SCFD2: variants seen among roughly 807,000 people sequenced by gnomAD.
SCFD2 encodes sec1 family domain containing 2.
In SCFD2, 54 loss-of-function variants were observed where a neutral mutation model predicts 58.9. The ratio of observed to expected loss-of-function variants is 0.92; its 90% CI spans 0.74 to 1.15. The LOEUF is 1.15. Ranked by LOEUF, SCFD2 falls within the 50% of genes most tolerant of loss-of-function variation. The probability of loss-of-function intolerance (pLI) is 0.00; values close to 1 mark genes in which losing one functional copy is unlikely to be tolerated. For synonymous variants in SCFD2, 321 were observed against 335.9 expected, an observed-to-expected ratio of 0.96 and a Z score of 0.49; for missense variants, 805 against 836.6, an observed-to-expected ratio of 0.96 and a Z score of 0.47.
chr4:53,036,941 C>T (rs1722779654), intron 5 of SCFD2, among the ~76,000 whole-genome samples: 1 of 151,964 alleles, frequency 6.6e-6, no homozygotes, highest in Non-Finnish European at 1.5e-5. Flanking sequence ...TTGCCAAGGG[C>T]TGGTTTGGGG....
intron 5 of SCFD2, among the ~76,000 whole-genome samples, chr4:52,959,719 G>C (rs899384767): frequency 2.6e-5 from 4 of 152,140 alleles, no homozygotes; most frequent in Non-Finnish European, 5.9e-5. Flanking sequence ...GCTCATTTAA[G>C]AGGAATGCAA....
intron 5 of SCFD2, among the ~76,000 whole-genome samples, chr4:53,071,578 GAAAC>G (rs1439597507): frequency 2.0e-5 from 3 of 151,708 alleles, no homozygotes; most frequent in Non-Finnish European, 4.4e-5. Context: ...TGTTTATTAA[GAAAC>G]AAACAAAAAA....
intron 5 of SCFD2, among the ~76,000 whole-genome samples, chr4:53,015,770 T>G (rs2148810604): frequency 6.6e-6 from 1 of 152,302 alleles, no homozygotes; most frequent in Admixed American, 6.5e-5. Flanking sequence ...AGCAAATTGA[T>G]AAACGGTCTT....
At chr4:53,036,792 T>C (rs894231449) in intron 5 of SCFD2, among the ~76,000 whole-genome samples, 10 of 152,186 alleles carry the variant, frequency 6.6e-5, no homozygotes, top group Admixed American at 5.9e-4. Flanking sequence ...TGTATACCTA[T>C]GTAACAAAAC....
chr4:52,959,800 T>C (rs1446328669), intron 5 of SCFD2, among the ~76,000 whole-genome samples: 1 of 151,824 alleles, frequency 6.6e-6, no homozygotes, highest in Non-Finnish European at 1.5e-5. Context: ...TGAATAAACA[T>C]ATGGAACTAG....
At chr4:53,186,049 GAA>G (rs1727727608) in intron 4 of SCFD2, among the ~76,000 whole-genome samples, 1 of 152,118 alleles carries the variant, frequency 6.6e-6, no homozygotes, top group South Asian at 2.1e-4. Context: ...TTGTGATCAT[GAA>G]AACAGTGCTT....
In SCFD2 at chr4:53,365,181, G is replaced by A. The variant is rs1253692758; in HGVS notation, c.761C>T (p.Ala254Val). The A allele has an allele frequency of 6.2e-7, 1 of 1,614,092 alleles. No homozygotes were observed. The highest frequency in any genetic ancestry group is 1.3e-5 in the African/African-American group (1 of 74,932). The change falls in exon 1 of 9, where the codon GCC becomes GTC. Residue 254 changes from alanine to valine, a missense_variant. By Grantham distance (64) the Ala-to-Val change is moderately conservative. Coordinates refer to ENST00000401642, the MANE Select transcript of SCFD2 (RefSeq NM_152540.4). The surrounding 1 kb of genome is among the most constrained non-coding windows in gnomAD (Gnocchi z 4.3). ...AGTCTTCTTCCTGTTCTTTGCAGGG[G>A]CATAATTGGCCAGATCCGCAGCGAT... ...QVIAADLANY[A>V]PAKNRKKTAA...
intron 5 of SCFD2, among the ~76,000 whole-genome samples, chr4:53,048,664 C>T (rs572420591): frequency 4.6e-5 from 7 of 152,318 alleles, no homozygotes; most frequent in African/African-American, 1.7e-4. Context: ...TCGCTCGAGC[C>T]TGAAAGGTCA....
intron 4 of SCFD2, among the ~76,000 whole-genome samples, chr4:53,186,606 A>G (rs2148953832): frequency 6.6e-6 from 1 of 152,232 alleles, no homozygotes; most frequent in East Asian, 1.9e-4. Flanking sequence ...ACAGAACAAA[A>G]GAGATCCCAG....
chr4:52,977,628 A>G (rs1235104713), intron 5 of SCFD2, among the ~76,000 whole-genome samples: 1 of 152,224 alleles, frequency 6.6e-6, no homozygotes, highest in Non-Finnish European at 1.5e-5. Context: ...AAATGGAAGT[A>G]TCTGTGGCAG....
intron 5 of SCFD2, among the ~76,000 whole-genome samples, chr4:52,974,940 A>G (rs1476285860): frequency 6.6e-6 from 1 of 152,226 alleles, no homozygotes; most frequent in Non-Finnish European, 1.5e-5. Flanking sequence ...TATTTAATAA[A>G]TGGTGCTGGG....
intron 5 of SCFD2, among the ~76,000 whole-genome samples, chr4:53,144,485 T>G (rs1005919959): frequency 6.8e-6 from 1 of 147,754 alleles, no homozygotes; most frequent in Admixed American, 6.8e-5. Flanking sequence ...TACAGGTGTG[T>G]ATATATATAC....
intron 3 of SCFD2, among the ~76,000 whole-genome samples, chr4:53,300,530 G>C (rs1001107949): frequency 1.3e-5 from 2 of 152,126 alleles, no homozygotes; most frequent in African/African-American, 4.8e-5. Flanking sequence ...GTCCACAGTA[G>C]ACAGATCAAC....
chr4:53,127,532 A>C (rs1237413858), intron 5 of SCFD2, among the ~76,000 whole-genome samples: 1 of 152,142 alleles, frequency 6.6e-6, no homozygotes, highest in Admixed American at 6.5e-5. Flanking sequence ...ATAGGTAATA[A>C]ACTTTGTTCA....
intron 2 of SCFD2, among the ~76,000 whole-genome samples, chr4:53,344,225 TA>T (rs1733983161): frequency 6.6e-6 from 1 of 152,120 alleles, no homozygotes; most frequent in South Asian, 2.1e-4. Context: ...AAAATCTCCT[TA>T]AGCTGATAAG....
chr4:52,930,633 T>C (rs1428591065), intron 5 of SCFD2, among the ~76,000 whole-genome samples: 1 of 152,154 alleles, frequency 6.6e-6, no homozygotes, highest in Non-Finnish European at 1.5e-5. Context: ...CTAAAATGGC[T>C]CTCTTCTGAC....
intron 1 of SCFD2, among the ~76,000 whole-genome samples, chr4:53,353,594 C>G (rs1410329913): frequency 4.6e-5 from 7 of 152,208 alleles, no homozygotes; most frequent in Non-Finnish European, 1.0e-4. Context: ...TTGCAGAGAG[C>G]TGAGTGGTCC....
At chr4:53,249,311 A>T (rs1730254586) in intron 4 of SCFD2, among the ~76,000 whole-genome samples, 2 of 152,208 alleles carry the variant, frequency 1.3e-5, no homozygotes, top group South Asian at 4.1e-4. Flanking sequence ...CTATGTGAAA[A>T]GACCAAATCT....
chr4:53,338,706 G>A (rs900747635), intron 2 of SCFD2, among the ~76,000 whole-genome samples: 18 of 143,958 alleles, frequency 1.3e-4, no homozygotes, highest in Admixed American at 4.4e-4. Flanking sequence ...TCAGCCTCCC[G>A]AGTAGCTGGG....
Sources: gnomAD v4.1 joint callset for allele counts (sites outside exome capture counted in the v4.1 genomes callset) on GRCh38, gnomAD v4.1.1 for gene constraint, Gnocchi (gnomAD v3.1) non-coding constraint, MANE v1.5 for transcripts, NCBI Gene and HGNC (gene_info 2026-07-23, HGNC 2026-07-21) for gene names.